The following RNF217 variants were observed in gnomAD, a reference collection of about 807,000 sequenced individuals.
RNF217 encodes the protein ring finger protein 217, also known as E3 ubiquitin-protein ligase RNF217.
Under a neutral mutation model 57.8 loss-of-function variants are expected in RNF217, and 31 were observed. The ratio of observed to expected loss-of-function variants is 0.54; its 90% CI spans 0.40 to 0.72. The LOEUF is 0.72. Ranked by LOEUF, RNF217 falls within the 30% of genes least tolerant of loss-of-function variation. RNF217 has a pLI of 0.00. For synonymous variants in RNF217, 313 were observed against 294.0 expected, an observed-to-expected ratio of 1.06 and a Z score of -0.66; for missense variants, 696 against 708.3, an observed-to-expected ratio of 0.98 and a Z score of 0.20.
At chr6:125,000,947 A>G (rs961955995) in intron 1 of RNF217, among the ~76,000 whole-genome samples, 2 of 152,164 alleles carry the variant, frequency 1.3e-5, no homozygotes, top group Admixed American at 1.3e-4. Context: ...TGGAAGTATG[A>G]TGTATGAGAA....
At position 125,084,314 on chromosome 6, in the gene RNF217, C is replaced by T. The variant is rs1788705999; in HGVS notation, c.*1377C>T. 2 of 151,786 alleles carry T rather than the reference C, an allele frequency of 1.3e-5. No individual in the cohort carries two copies. The highest frequency in any genetic ancestry group is 1.3e-4 in the Admixed American group (2 of 15,228). 9.4% of individuals were successfully genotyped at this position (151,786 alleles called of 1,614,324 possible). On this transcript the variant is annotated 3_prime_UTR_variant, in exon 6 of 6. Transcript: ENST00000521654. ...AAGGAAATATTTTCAGGAAGTTTTT[C>T]TCAACCTACAAAAGCTTTAAAAATA...
chr6:125,046,032 T>C (rs1381448934), intron 2 of RNF217, among the ~76,000 whole-genome samples: 2 of 152,048 alleles, frequency 1.3e-5, no homozygotes, highest in African/African-American at 2.4e-5. Flanking sequence ...GTACATATAG[T>C]GTGCTTTGAG....
intron 1 of RNF217, among the ~76,000 whole-genome samples, chr6:125,041,307 G>C (rs1228970225): frequency 6.6e-6 from 1 of 152,036 alleles, no homozygotes; most frequent in Non-Finnish European, 1.5e-5. Flanking sequence ...GACATCACTT[G>C]TGGGAAGAGC....
At chr6:125,080,680 A>T (rs1289651073) in intron 4 of RNF217, among the ~76,000 whole-genome samples, 1 of 151,982 alleles carries the variant, frequency 6.6e-6, no homozygotes, top group Non-Finnish European at 1.5e-5. Flanking sequence ...TGGGATTCTG[A>T]TGTTGGACTC....
At chr6:125,080,336 T>C (rs1788526944) in intron 4 of RNF217, among the ~76,000 whole-genome samples, 1 of 152,142 alleles carries the variant, frequency 6.6e-6, no homozygotes, top group South Asian at 2.1e-4. Flanking sequence ...TTTAAAACAG[T>C]GTTGTATACA....
chr6:125,051,341 C>T (rs1255146786), intron 2 of RNF217, among the ~76,000 whole-genome samples: 2 of 151,780 alleles, frequency 1.3e-5, no homozygotes, highest in Non-Finnish European at 2.9e-5. Flanking sequence ...TGATGGCCCC[C>T]GAGATCGTGT....
intron 1 of RNF217, among the ~76,000 whole-genome samples, chr6:124,989,432 A>C (rs531556455): frequency 6.6e-6 from 1 of 152,300 alleles, no homozygotes; most frequent in Admixed American, 6.5e-5. Context: ...TGGTAAGGTA[A>C]TATGCATGGC....
At chr6:125,064,945 C>A in intron 3 of RNF217, among the ~76,000 whole-genome samples, 1 of 151,726 alleles carries the variant, frequency 6.6e-6, no homozygotes, top group Non-Finnish European at 1.5e-5. Context: ...TGAATATAAC[C>A]AATCTCATCA....
intron 2 of RNF217, 47 bp from the exon 3 acceptor site, chr6:125,057,895 C>CT (rs1383265448): frequency 1.3e-6 from 2 of 1,485,664 alleles, no homozygotes; most frequent in South Asian, 2.8e-5. Context: ...CTTTTAGACA[C>CT]TTTCAGTATA....
chr6:124,990,332 A>C (rs113570629), intron 1 of RNF217, among the ~76,000 whole-genome samples: 4 of 152,182 alleles, frequency 2.6e-5, no homozygotes, highest in Non-Finnish European at 5.9e-5. Context: ...TGTATCTGCC[A>C]CTGGCTTTCT....
At chr6:125,015,816 G>A (rs183114734) in intron 1 of RNF217, among the ~76,000 whole-genome samples, 1 of 152,026 alleles carries the variant, frequency 6.6e-6, no homozygotes, top group Non-Finnish European at 1.5e-5. Context: ...CTATTTCTAA[G>A]AACTAACATT....
chr6:125,008,232 G>T (rs957068681), intron 1 of RNF217, among the ~76,000 whole-genome samples: 1 of 151,692 alleles, frequency 6.6e-6, no homozygotes, highest in Non-Finnish European at 1.5e-5. Context: ...CTCCAGCCTG[G>T]GTGACAGAAT....
At chr6:124,987,710 A>C (rs1361133521) in intron 1 of RNF217, among the ~76,000 whole-genome samples, 2 of 152,116 alleles carry the variant, frequency 1.3e-5, no homozygotes, top group Non-Finnish European at 2.9e-5. Context: ...TGCTAGGCTC[A>C]AGTGATCCTC....
rs1304723042 is a variant in RNF217, at chr6:124,963,316, C to G, written c.772C>G (p.Leu258Val). The G allele has an allele frequency of 3.9e-6, 6 of 1,535,576 alleles. No individual in the cohort carries two copies. Among genetic ancestry groups the G allele is most frequent in the East Asian group, 4.9e-5 (2 of 40,882 alleles). Residue 258 changes from leucine (L) to valine (V), a missense_variant, in exon 1 of 6, where the codon CTC becomes GTC. Leu to Val is a conservative substitution (Grantham distance 32). Coordinates refer to ENST00000521654, the MANE Select transcript of RNF217 (RefSeq NM_001286398.3). ...LGGVGDPYVP[L>V]MVLMCRVCLE... Reference sequence around the variant, plus strand: ...CGGTGTAGGGGATCCCTATGTGCCCCTCATGGTGCTGATGTGCCGGGTGTG... The same window carrying G: ...CGGTGTAGGGGATCCCTATGTGCCCGTCATGGTGCTGATGTGCCGGGTGTG...
chr6:125,077,380 A>G (rs1026976135), intron 4 of RNF217, among the ~76,000 whole-genome samples: 2 of 152,212 alleles, frequency 1.3e-5, no homozygotes, highest in African/African-American at 4.8e-5. Context: ...AATAGGTAAC[A>G]GTTAATATAA....
intron 1 of RNF217, among the ~76,000 whole-genome samples, chr6:124,970,023 AAGG>A (rs1783703098): frequency 6.6e-6 from 1 of 152,188 alleles, no homozygotes; most frequent in African/African-American, 2.4e-5. Flanking sequence ...CAGGAATCGC[AAGG>A]AGATCTGTGA....
intron 3 of RNF217, among the ~76,000 whole-genome samples, chr6:125,068,274 G>A (rs185574004): frequency 2.2e-4 from 33 of 152,160 alleles, no homozygotes; most frequent in African/African-American, 7.9e-4. Context: ...CTAGTGCAGG[G>A]TGCTTCTCAA....
At chr6:124,996,309 GA>G (rs1308904368) in intron 1 of RNF217, among the ~76,000 whole-genome samples, 1 of 151,828 alleles carries the variant, frequency 6.6e-6, no homozygotes, top group African/African-American at 2.4e-5. Flanking sequence ...TAATTTTGAA[GA>G]TTTTTTTAAT....
intron 3 of RNF217, among the ~76,000 whole-genome samples, chr6:125,062,067 T>G (rs1787755953): frequency 6.6e-6 from 1 of 152,070 alleles, no homozygotes; most frequent in Non-Finnish European, 1.5e-5. Flanking sequence ...TACATAATAG[T>G]CTCTTTTCTT....
Sources: gnomAD v4.1 joint callset for allele counts (sites outside exome capture counted in the v4.1 genomes callset) on GRCh38, gnomAD v4.1.1 for gene constraint, MANE v1.5 for transcripts, NCBI Gene and HGNC (gene_info 2026-07-23, HGNC 2026-07-21) for gene names.